The following THOC5 variants were observed in gnomAD, a reference collection of about 807,000 sequenced individuals.
THOC5 encodes THO complex subunit 5, also known as Fms-interacting protein.
THOC5 carries 43 observed loss-of-function variants against 92.9 expected under a neutral mutation model. The observed-to-expected ratio is 0.46, with a 90% CI of 0.36 to 0.60. THOC5 has a LOEUF of 0.60. Ranked by LOEUF, THOC5 falls within the 20% of genes least tolerant of loss-of-function variation. THOC5 has a pLI of 0.00. For synonymous variants in THOC5, 296 were observed against 320.1 expected (o/e 0.92, Z 0.80); for missense variants, 659 against 849.4 (o/e 0.78, Z 2.79).
intron 17 of THOC5, 144 bp downstream of exon 17, chr22:29,516,885 C>A: frequency 1.4e-6 from 1 of 721,294 alleles, no homozygotes; most frequent in East Asian, 2.7e-5. Context: ...AGAATGAGTC[C>A]TTGCTGAACA....
intron 18 of THOC5, 34 bp from the exon 19 acceptor site, chr22:29,511,330 C>A (rs1482288956): frequency 1.3e-6 from 2 of 1,592,672 alleles, no homozygotes; most frequent in Admixed American, 1.7e-5. Context: ...CTCAGCACTA[C>A]CTTCCTGCAT....
chr22:29,509,960 G>A (rs191360554), intron 19 of THOC5, among the ~76,000 whole-genome samples: 37 of 152,338 alleles, frequency 2.4e-4, no homozygotes, highest in African/African-American at 8.2e-4. Context: ...CAGGGAACAA[G>A]GGGGGATGTT....
At chr22:29,516,190 C>T (rs1315318497) in intron 17 of THOC5, among the ~76,000 whole-genome samples, 1 of 147,938 alleles carries the variant, frequency 6.8e-6, no homozygotes, top group African/African-American at 2.5e-5. Context: ...GGATGGAAAG[C>T]AAATGCATAA....
intron 7 of THOC5, among the ~76,000 whole-genome samples, chr22:29,533,607 A>C (rs560165230): frequency 8.6e-4 from 131 of 152,288 alleles, no homozygotes; most frequent in African/African-American, 3.0e-3. Context: ...TACCATTAGC[A>C]AAGTGAAAAG....
Position 29,541,809 on chromosome 22 carries a change from C to T in THOC5, c.452+1050G>A, listed in dbSNP as rs1445549805. On this transcript the variant is annotated intron_variant, in intron 5 of 19. Transcript: ENST00000490103. ...CCGGGAGGCGGAGCTTGCAGTGAGCCGAGATCACGCCACTGCACTCCAGCC... is the reference window on the plus strand; with the variant it reads ...CCGGGAGGCGGAGCTTGCAGTGAGCTGAGATCACGCCACTGCACTCCAGCC... 4.6e-5 allele frequency among the ~76,000 whole-genome samples: 6 copies of T among 129,310 alleles called. No homozygotes were observed. The South Asian group carries it at 7.6e-4, about 16-fold the overall frequency. 84.8% of individuals were successfully genotyped at this position (129,310 alleles called of 152,430 possible).
intron 11 of THOC5, 84 bp from the exon 12 acceptor site, chr22:29,526,030 G>A: frequency 3.6e-6 from 2 of 554,996 alleles, no homozygotes; most frequent in Admixed American, 2.4e-5. Flanking sequence ...GTAAGGTGGG[G>A]GGGTCAAGTG....
intron 5 of THOC5, among the ~76,000 whole-genome samples, chr22:29,541,073 T>C (rs1438199217): frequency 6.6e-6 from 1 of 151,818 alleles, no homozygotes; most frequent in African/African-American, 2.4e-5. Flanking sequence ...GAAAATTAGC[T>C]GGGTGTGGTG....
chr22:29,525,880 T>C lies in THOC5; in HGVS notation c.1133A>G (p.Lys378Arg). ...MNLNIMTVKAKVTTAMELITP... is the reference protein window; with the variant it reads ...MNLNIMTVKARVTTAMELITP... The stretch of plus-strand genomic sequence containing the variant: ...GATCAGCTCCATGGCAGTTGTCACT[T>C]TGGCTTTTACTGTCATGATGTTGAG... Residue 378 changes from lysine to arginine, a missense_variant, in exon 12 of 20, where the codon AAA (lysine) becomes AGA (arginine). Transcript: ENST00000490103. 6.2e-7 allele frequency: 1 copy of C among 1,614,056 alleles called. No individual in the cohort carries two copies. The highest frequency in any genetic ancestry group is 8.5e-7 in the Non-Finnish European group (1 of 1,179,990).
chr22:29,533,671 C>A (rs927531938), intron 7 of THOC5, among the ~76,000 whole-genome samples: 1 of 152,090 alleles, frequency 6.6e-6, no homozygotes, highest in Non-Finnish European at 1.5e-5. Flanking sequence ...TCCAGGCAAC[C>A]CAACAGAAAA....
At chr22:29,551,252 G>A (rs1377678987) in intron 1 of THOC5, among the ~76,000 whole-genome samples, 1 of 152,064 alleles carries the variant, frequency 6.6e-6, no homozygotes, top group Non-Finnish European at 1.5e-5. Flanking sequence ...TGGCCAACAT[G>A]GTGAAACCCC....
intron 1 of THOC5, among the ~76,000 whole-genome samples, chr22:29,552,204 C>T (rs1376887513): frequency 6.6e-6 from 1 of 151,928 alleles, no homozygotes; most frequent in Non-Finnish European, 1.5e-5. Flanking sequence ...GCCCGGCCGC[C>T]ACCCCGTCTG....
At chr22:29,511,345 G>A in intron 18 of THOC5, 49 bp from the exon 19 acceptor site, 2 of 1,574,832 alleles carry the variant, frequency 1.3e-6, no homozygotes, top group Non-Finnish European at 8.6e-7. Context: ...CTGCATGTGG[G>A]GGACCACACT....
rs2063141342 is a variant in THOC5 at position 29,506,289 on chromosome 22, T to G, written c.*2168A>C. 1 of 152,214 alleles carries G rather than the reference T, an allele frequency of 6.6e-6. No individual in the cohort carries two copies. 9.4% of individuals were successfully genotyped at this position (152,214 alleles called of 1,614,324 possible). On this transcript the variant is annotated 3_prime_UTR_variant, in exon 20 of 20. Coordinates refer to ENST00000490103, the MANE Select transcript of THOC5 (RefSeq NM_003678.5). The stretch of plus-strand genomic sequence containing the variant: ...CAGGAGTATTACAAAGGATGTAATT[T>G]TATGAACATTTTAAAGGTTGTTACC...
Position 29,529,233 on chromosome 22 carries a change from G to T in THOC5, c.854C>A (p.Thr285Lys), listed in dbSNP as rs141199207. Residue 285 changes from threonine to lysine, a missense_variant, in exon 9 of 20, where the codon ACG becomes AAG. Physicochemically the swap from Thr to Lys is moderately conservative, Grantham distance 78 (BLOSUM62 -1). Transcript: ENST00000490103. ...ATAYGQACDK[T>K]LSVAIEGSVD... Reference sequence around the variant, plus strand: ...ACTGCCTTCGATTGCCACAGATAACGTCTTATCTGGGGGGCAAGAAGAAGT... The same window carrying T: ...ACTGCCTTCGATTGCCACAGATAACTTCTTATCTGGGGGGCAAGAAGAAGT... 10 of 1,614,038 alleles carry T rather than the reference G, an allele frequency of 6.2e-6. No individual in the cohort carries two copies. The highest frequency in any genetic ancestry group is 8.5e-6 in the Non-Finnish European group (10 of 1,180,008).
intron 1 of THOC5, 160 bp downstream of exon 1, chr22:29,553,511 A>T (rs1258571756): frequency 6.6e-6 from 1 of 152,576 alleles, no homozygotes; most frequent in South Asian, 2.1e-4. Context: ...CGGATGAGGT[A>T]ACAGCGCAGC....
chr22:29,508,383 G>T lies in THOC5; in HGVS notation c.*74C>A. On this transcript the variant is annotated 3_prime_UTR_variant, in exon 20 of 20. Coordinates refer to ENST00000490103, the MANE Select transcript of THOC5 (RefSeq NM_003678.5). ...CTTTGGAGAATATCAAGAGTCACATGTGGGCCAGAGCAGAAAGCAGAAGCC... is the reference window on the plus strand; with the variant it reads ...CTTTGGAGAATATCAAGAGTCACATTTGGGCCAGAGCAGAAAGCAGAAGCC... The T allele has an allele frequency of 2.1e-6, 3 of 1,445,442 alleles. No individual in the cohort carries two copies. The highest frequency in any genetic ancestry group is 1.9e-6 in the Non-Finnish European group (2 of 1,030,946). 89.5% of individuals were successfully genotyped at this position (1,445,442 alleles called of 1,614,324 possible).
intron 17 of THOC5, among the ~76,000 whole-genome samples, chr22:29,516,214 G>C (rs1419993469): frequency 6.6e-6 from 1 of 151,802 alleles, no homozygotes; most frequent in Non-Finnish European, 1.5e-5. Context: ...CCAAATAGTG[G>C]TCACTTATTA....
intron 5 of THOC5, among the ~76,000 whole-genome samples, chr22:29,540,166 G>A (rs897346952): frequency 6.6e-6 from 1 of 152,166 alleles, no homozygotes; most frequent in Non-Finnish European, 1.5e-5. Flanking sequence ...CAGCTACTTA[G>A]GAGGCTGAGG....
At chr22:29,532,288 C>A (rs2063670787) in intron 7 of THOC5, among the ~76,000 whole-genome samples, 1 of 150,432 alleles carries the variant, frequency 6.6e-6, no homozygotes, top group Non-Finnish European at 1.5e-5. Context: ...AGCGAGATGC[C>A]ATTTCCACAA....
Sources: gnomAD v4.1 joint callset for allele counts (sites outside exome capture counted in the v4.1 genomes callset) on GRCh38, gnomAD v4.1.1 for gene constraint, MANE v1.5 for transcripts, NCBI Gene and HGNC (gene_info 2026-07-23, HGNC 2026-07-21) for gene names.